Variants in SF3A1 observed in about 807,000 individuals in gnomAD.
SF3A1 encodes the protein SAP 114.
Under a neutral mutation model 89.9 loss-of-function variants are expected in SF3A1, and 13 were observed. That is an observed-to-expected ratio of 0.14 (90% CI 0.09 to 0.23). The LOEUF is 0.23. SF3A1 is among the 10% of genes least tolerant of loss of function. The pLI is 1.00. For missense variants in SF3A1, 604 were observed against 1,022.1 expected, an observed-to-expected ratio of 0.59 and a Z score of 5.58; for synonymous variants, 405 against 374.4, an observed-to-expected ratio of 1.08 and a Z score of -0.94.
In SF3A1 at chr22:30,337,035, G is replaced by A; in HGVS notation, c.2097C>T (p.Arg699=). ...TTCTGGGATTACATACCTTGTTTCTGCGCAGGAACTCCTCCTCTGGCATGA... is the reference window on the plus strand; with the variant it reads ...TTCTGGGATTACATACCTTGTTTCTACGCAGGAACTCCTCCTCTGGCATGA... ...DSLMPEEEFL[R]RNKGPVSIKV... is the part of the protein sequence containing the mutation. The change falls in exon 13 of 16, where the codon CGC becomes CGT. Residue 699 remains arginine (R), a synonymous_variant. Coordinates refer to ENST00000215793, the MANE Select transcript of SF3A1 (RefSeq NM_005877.6). The A allele has an allele frequency of 5.0e-6, 8 of 1,614,186 alleles. No homozygotes were observed. The highest frequency in any genetic ancestry group is 6.8e-6 in the Non-Finnish European group (8 of 1,180,024).
chr22:30,340,455 G>T (rs898350296), intron 8 of SF3A1, 74 bp from the exon 9 acceptor site: 2 of 1,425,944 alleles, frequency 1.4e-6, no homozygotes, highest in African/African-American at 1.4e-5. Context: ...TATTTCATGC[G>T]TGCATCATTC....
intron 1 of SF3A1, among the ~76,000 whole-genome samples, chr22:30,354,738 T>C (rs939082472): frequency 6.6e-6 from 1 of 152,158 alleles, no homozygotes; most frequent in Admixed American, 6.5e-5. Context: ...CTCCTCTCTC[T>C]TCCTCAGCTT....
intron 13 of SF3A1, among the ~76,000 whole-genome samples, chr22:30,336,722 G>A (rs946914811): frequency 2.0e-5 from 3 of 152,172 alleles, no homozygotes; most frequent in African/African-American, 4.8e-5. Flanking sequence ...CCTCTCACAC[G>A]TGAGTTGTGC....
chr22:30,344,823 C>A, intron 4 of SF3A1, 110 bp downstream of exon 4: 1 of 1,234,130 alleles, frequency 8.1e-7, no homozygotes, highest in Non-Finnish European at 1.1e-6. Flanking sequence ...TGCTCAGAGG[C>A]CCCATGGAGA....
At chr22:30,353,790 TC>T (rs1236774899) in intron 1 of SF3A1, among the ~76,000 whole-genome samples, 3 of 152,268 alleles carry the variant, frequency 2.0e-5, no homozygotes, top group African/African-American at 7.2e-5. Context: ...CCTTCTTTAA[TC>T]CGGTGTCTGA....
intron 2 of SF3A1, among the ~76,000 whole-genome samples, chr22:30,351,471 A>G (rs540267626): frequency 1.3e-5 from 2 of 152,280 alleles, no homozygotes; most frequent in South Asian, 4.1e-4. Context: ...CCACACATGA[A>G]GGAACTGTCC....
Position 30,338,792 on chromosome 22 carries a change from G to A in SF3A1, c.1740C>T (p.Pro580=), listed in dbSNP as rs764999431. Residue 580 remains proline (P), a synonymous_variant, in exon 11 of 16, where the codon CCC becomes CCT. Transcript: ENST00000215793. The part of the protein sequence containing the change: ...APPITSVPRP[P]TMPPPVRTTV... ...TCCAGGGTAGATGCTGGCTTACTGT[G>A]GGTGGTCGGGGCACTGAAGTGATGG... is the stretch of plus-strand genomic sequence containing the variant. 42 of 1,614,078 alleles carry A rather than the reference G, an allele frequency of 2.6e-5. No individual in the cohort carries two copies. The South Asian group carries it at 4.3e-4, about 16-fold the overall frequency.
chr22:30,337,106 T>A lies in SF3A1; in HGVS notation c.2026A>T (p.Met676Leu), dbSNP rs766831121. The change falls in exon 13 of 16, where the codon ATG (methionine) becomes TTG (leucine). Residue 676 changes from methionine to leucine, a missense_variant. Around this residue, in one of 9 missense-constraint regions of SF3A1, gnomAD observed 45 missense variants for 41.1 expected, o/e 1.09. Transcript: ENST00000215793. ...TTTTTGGAGGTGGGCTCATCTTCCA[T>A]GGGAGGTGGGGGATGCACAGGGGGC... is the stretch of plus-strand genomic sequence containing the variant. The part of the protein sequence containing the change: ...PMPPVHPPPP[M>L]EDEPTSKKLK... The A allele has an allele frequency of 6.2e-7, 1 of 1,613,776 alleles. No homozygotes were observed. The highest frequency in any genetic ancestry group is 8.5e-7 in the Non-Finnish European group (1 of 1,179,872).
rs1385988369 is a variant in SF3A1 at position 30,339,249 on chromosome 22, G to A, written c.1378C>T (p.Leu460=). Residue 460 remains leucine (L), a splice_region_variant and synonymous_variant, in exon 10 of 16, where the codon CTG becomes TTG. Coordinates refer to ENST00000215793, the MANE Select transcript of SF3A1 (RefSeq NM_005877.6). ...TGCTTCAAGCTGCTCTCAATATCCAGACCTGTACAGTCACAAAACAGAGGC... is the reference window on the plus strand; with the variant it reads ...TGCTTCAAGCTGCTCTCAATATCCAAACCTGTACAGTCACAAAACAGAGGC... ...QSDDEVYAPG[L]DIESSLKQLA... is the part of the protein sequence containing the mutation. 4 of 1,613,628 alleles carry A rather than the reference G, an allele frequency of 2.5e-6. No individual in the cohort carries two copies. The highest frequency in any genetic ancestry group is 3.4e-6 in the Non-Finnish European group (4 of 1,180,040).
At position 30,343,010 on chromosome 22, in the gene SF3A1, CT is replaced by C. The variant is rs922542703; in HGVS notation, c.652-132del. The C allele has an allele frequency of 5.9e-5, 35 of 597,174 alleles. No homozygotes were observed. The African/African-American group carries it at 6.4e-4, about 11-fold the overall frequency. 37.0% of individuals were successfully genotyped at this position (597,174 alleles called of 1,614,324 possible). A position where few individuals can be genotyped will look rare whatever the true frequency, so the allele number is the denominator to read the frequency against. On this transcript the variant is annotated intron_variant, in intron 4 of 15. Transcript: ENST00000215793. Reference sequence around the variant, plus strand: ...ATTCTGTGTCCCAATCCCAGCTCCACTTGGCTGTGGGACTTAGGGCAAGTTA... The same window carrying C: ...ATTCTGTGTCCCAATCCCAGCTCCACTGGCTGTGGGACTTAGGGCAAGTTA...
At chr22:30,340,473 C>T (rs959030365) in intron 8 of SF3A1, 92 bp from the exon 9 acceptor site, 6 of 1,318,902 alleles carry the variant, frequency 4.5e-6, no homozygotes, top group South Asian at 2.4e-5. Flanking sequence ...TTCATCAAGG[C>T]ATCTATTCAG....
intron 2 of SF3A1, 148 bp from the exon 3 acceptor site, chr22:30,346,667 C>T: frequency 3.7e-6 from 3 of 819,928 alleles, no homozygotes; most frequent in Non-Finnish European, 5.7e-6. Flanking sequence ...AGCTTCCTGG[C>T]ATTGGCGATC....
At position 30,334,380 on chromosome 22, in the gene SF3A1, C is replaced by G; in HGVS notation, c.*214G>C. 1 of 440,490 alleles carries G rather than the reference C, an allele frequency of 2.3e-6. No individual in the cohort carries two copies. Among genetic ancestry groups the G allele is most frequent in the Non-Finnish European group, 4.0e-6 (1 of 249,512 alleles). The allele number at this position is 440,490 out of a possible 1,614,324, so 27.3% of individuals were successfully genotyped here. On this transcript the variant is annotated 3_prime_UTR_variant, in exon 16 of 16. Coordinates refer to ENST00000215793, the MANE Select transcript of SF3A1 (RefSeq NM_005877.6). ...TCGAGACCCTAACACAAAGAGATTC[C>G]AGAGAGTGGCTTAGAAAACCCAGCT...
In SF3A1 at chr22:30,342,877, G is replaced by C. The variant is rs1030981553; in HGVS notation, c.654C>G (p.Ile218Met). The change falls in exon 5 of 16, where the codon ATC becomes ATG. Residue 218 changes from isoleucine to methionine, a missense_variant and splice_region_variant. Around this residue, in one of 9 missense-constraint regions of SF3A1, gnomAD observed 162 missense variants for 229.2 expected, o/e 0.71. Transcript: ENST00000215793. ...FTKLVEQYTK[I>M]LIPPKGLFSK... ...AAAATAAACCTTTGGGTGGAATCAA[G>C]ATCTGAAATACAGAAGAGTTAAAGC... The C allele has an allele frequency of 6.2e-7, 1 of 1,607,232 alleles. No homozygotes were observed. Among genetic ancestry groups the C allele is most frequent in the African/African-American group, 1.3e-5 (1 of 74,758 alleles).
chr22:30,339,265 A>C lies in SF3A1; in HGVS notation c.1376-14T>G. Reference sequence around the variant, plus strand: ...CAATATCCAGACCTGTACAGTCACAAAACAGAGGCAGAGGATAGAAAGAGA... The same window carrying C: ...CAATATCCAGACCTGTACAGTCACACAACAGAGGCAGAGGATAGAAAGAGA... On this transcript the variant is annotated splice_polypyrimidine_tract_variant and intron_variant, in intron 9 of 15. Transcript: ENST00000215793. 6.2e-7 allele frequency: 1 copy of C among 1,613,450 alleles called. No homozygotes were observed. Among genetic ancestry groups the C allele is most frequent in the Non-Finnish European group, 8.5e-7 (1 of 1,180,008 alleles).
rs1930986844 is a variant in SF3A1 at position 30,333,903 on chromosome 22, G to A, written c.*691C>T. On this transcript the variant is annotated 3_prime_UTR_variant, in exon 16 of 16. Coordinates refer to ENST00000215793, the MANE Select transcript of SF3A1 (RefSeq NM_005877.6). ...GGCCAGCAGGAAACCACCGCCCACT[G>A]ACACAGGGACTGCACCATCCATCCT... 6.6e-6 allele frequency: 1 copy of A among 152,206 alleles called. No homozygotes were observed. 9.4% of individuals were successfully genotyped at this position (152,206 alleles called of 1,614,324 possible). A position where few individuals can be genotyped will look rare whatever the true frequency, so the allele number is the denominator to read the frequency against.
At chr22:30,337,545 T>C in intron 12 of SF3A1, 145 bp downstream of exon 12, 1 of 700,390 alleles carries the variant, frequency 1.4e-6, no homozygotes, top group East Asian at 2.7e-5. Context: ...GGGTTGCGGA[T>C]CTTTCAATGG....
intron 1 of SF3A1, 140 bp downstream of exon 1, chr22:30,356,590 C>T: frequency 1.6e-6 from 1 of 630,188 alleles, no homozygotes; most frequent in Non-Finnish European, 2.4e-6. Flanking sequence ...AGAACACCAC[C>T]ATAGCGCGGG....
intron 2 of SF3A1, among the ~76,000 whole-genome samples, chr22:30,350,947 A>G (rs1487909913): frequency 6.6e-6 from 1 of 152,258 alleles, no homozygotes; most frequent in African/African-American, 2.4e-5. Context: ...CTAATACTCA[A>G]AGGTAATCAA....
Sources: allele counts gnomAD v4.1 joint callset (sites outside exome capture counted in the v4.1 genomes callset), GRCh38; gene constraint gnomAD v4.1.1; regional missense constraint gnomAD v4.1.1; transcripts MANE v1.5; gene names NCBI Gene and HGNC (gene_info 2026-07-23, HGNC 2026-07-21).